MED13L: variants seen among roughly 807,000 people sequenced by gnomAD.
The protein encoded by MED13L is mediator complex subunit 13L.
A neutral mutation model predicts 220.9 loss-of-function variants in MED13L; 7 were observed. The ratio of observed to expected loss-of-function variants is 0.03; its 90% confidence interval spans 0.02 to 0.06. MED13L has a LOEUF of 0.06. Ranked by LOEUF, MED13L falls within the 10% of genes least tolerant of loss-of-function variation. MED13L has a pLI of 1.00. For synonymous variants in MED13L, 1,011 were observed against 1,015.2 expected (o/e 1.00, Z 0.08); for missense variants, 1,965 against 2,760.5 (o/e 0.71, Z 6.46).
rs112491735 is a variant in MED13L at position 116,057,468 on chromosome 12, G to A, written c.480-34867C>T. Among the ~76,000 whole-genome samples, 1,330 of 151,574 alleles carry A rather than the reference G, an allele frequency of 8.8e-3. 15 individuals are homozygous for A. Among genetic ancestry groups the A allele is most frequent in the Middle Eastern group, 0.031 (9 of 294 alleles). On this transcript the variant is annotated intron_variant, in intron 4 of 30. Transcript: ENST00000281928. ...AGTATCCATATGATATCCACAGTTG[G>A]GTACCCTCTGACTGACTGATGGCAG...
intron 2 of MED13L, chr12:116,169,332 A>G (rs1017725579): frequency 6.6e-6 from 1 of 152,328 alleles, no homozygotes; most frequent in Admixed American, 6.5e-5. Flanking sequence ...CTGTGAGGCA[A>G]AAATCAGGTC....
intron 11 of MED13L, chr12:116,006,695 G>T: frequency 2.1e-6 from 1 of 484,140 alleles, no homozygotes; most frequent in Admixed American, 3.5e-5. Context: ...GACCTGCCAT[G>T]GTGTTAAAAG....
At chr12:116,019,110 A>C in intron 7 of MED13L, 114 bp downstream of exon 7, 2 of 1,012,570 alleles carry the variant, frequency 2.0e-6, no homozygotes, top group Non-Finnish European at 2.9e-6. Context: ...ACGTTACTCT[A>C]CTACCTCCAT....
In MED13L at chr12:115,972,171, G is replaced by A. The variant is rs1342461504; in HGVS notation, c.5797C>T (p.Arg1933Trp). 3.7e-6 allele frequency: 6 copies of A among 1,613,834 alleles called. No homozygotes were observed. The highest frequency in any genetic ancestry group is 2.2e-5 in the East Asian group (1 of 44,880). The change falls in exon 26 of 31, where the codon CGG becomes TGG. Residue 1933 changes from arginine to tryptophan, a missense_variant. By Grantham distance (101) the Arg-to-Trp change is moderately radical. Coordinates refer to ENST00000281928, the MANE Select transcript of MED13L (RefSeq NM_015335.5). ...TISKKLKDVC[R>W]MCGISAADSP... ...TCTGCGGCAGAGATTCCACACATCC[G>A]GCACACATCCTTGAGCTTTTTGCTG...
chr12:116,059,210 G>A (rs1384563837), intron 4 of MED13L, among the ~76,000 whole-genome samples: 1 of 152,144 alleles, frequency 6.6e-6, no homozygotes, highest in African/African-American at 2.4e-5. Flanking sequence ...TGGGACTACA[G>A]GCATGTGCCA....
chr12:115,969,309 T>C (rs1383019292), intron 27 of MED13L, among the ~76,000 whole-genome samples: 2 of 152,308 alleles, frequency 1.3e-5, no homozygotes, highest in Non-Finnish European at 2.9e-5. Flanking sequence ...GATCTCCTTA[T>C]GTACAGTATT....
At position 116,012,763 on chromosome 12, in the gene MED13L, G is replaced by C. The variant is rs147331725; in HGVS notation, c.1280+34C>G. 8.9e-5 allele frequency: 126 copies of C among 1,423,462 alleles called. No individual in the cohort carries two copies. The East Asian group carries it at 2.7e-3, about 31-fold the overall frequency. 88.2% of individuals were successfully genotyped at this position (1,423,462 alleles called of 1,614,324 possible). ...GAATCAACAAGATGCGCCATCATTC[G>C]ATCCATTACTATTTTGCCTTTTTTA... On this transcript the variant is annotated intron_variant, in intron 9 of 30. Coordinates refer to ENST00000281928, the MANE Select transcript of MED13L (RefSeq NM_015335.5).
intron 2 of MED13L, among the ~76,000 whole-genome samples, chr12:116,206,256 T>C (rs1163190787): frequency 6.6e-6 from 1 of 151,930 alleles, no homozygotes; most frequent in Non-Finnish European, 1.5e-5. Context: ...AATTTCTGTA[T>C]TTTTAGTAGA....
chr12:115,960,737 C>G lies in MED13L; in HGVS notation c.*529G>C, dbSNP rs532386646. The G allele has an allele frequency of 1.3e-4, 23 of 178,022 alleles. No homozygotes were observed. Among genetic ancestry groups the G allele is most frequent in the African/African-American group, 5.2e-4 (22 of 42,466 alleles). 11.0% of individuals were successfully genotyped at this position (178,022 alleles called of 1,614,324 possible). ...TTTGAAGTCAACCAAAGCACTCATG[C>G]TAATCTGGATGGGAACACTAGGGAG... On this transcript the variant is annotated 3_prime_UTR_variant, in exon 31 of 31. Coordinates refer to ENST00000281928, the MANE Select transcript of MED13L (RefSeq NM_015335.5).
chr12:116,038,863 T>C (rs964091010), intron 4 of MED13L, among the ~76,000 whole-genome samples: 20 of 150,816 alleles, frequency 1.3e-4, no homozygotes, highest in Non-Finnish European at 2.1e-4. Flanking sequence ...GCATTTTCCA[T>C]CCATCCTTAT....
At chr12:115,981,221 T>TAAGA (rs1877306681) in intron 22 of MED13L, among the ~76,000 whole-genome samples, 1 of 152,202 alleles carries the variant, frequency 6.6e-6, no homozygotes, top group Non-Finnish European at 1.5e-5. Context: ...ACTTTAGGGG[T>TAAGA]AAGATCTCAA....
chr12:116,263,525 A>T (rs764285149), intron 1 of MED13L, among the ~76,000 whole-genome samples: 1 of 152,216 alleles, frequency 6.6e-6, no homozygotes, highest in Non-Finnish European at 1.5e-5. Context: ...CTATTGTGCT[A>T]ATCTCCAACT....
At chr12:116,004,160 T>C (rs1031210341) in intron 13 of MED13L, among the ~76,000 whole-genome samples, 3 of 152,170 alleles carry the variant, frequency 2.0e-5, no homozygotes, top group African/African-American at 7.2e-5. Context: ...TCCAAAATGC[T>C]TGCTCTGTTC....
chr12:116,179,476 G>A (rs1271265640), intron 2 of MED13L, among the ~76,000 whole-genome samples: 1 of 152,004 alleles, frequency 6.6e-6, no homozygotes, highest in Non-Finnish European at 1.5e-5. Context: ...CAGGCATGGT[G>A]GTGCACACTT....
At chr12:116,104,027 T>TTTTTTTTTG (rs1873333304) in intron 3 of MED13L, among the ~76,000 whole-genome samples, 1 of 114,420 alleles carries the variant, frequency 8.7e-6, no homozygotes, top group Non-Finnish European at 1.7e-5. Context: ...TTTTTTTTTT[T>TTTTTTTTTG]GAGACGGAGT....
At chr12:116,096,525 T>A in intron 4 of MED13L, 144 bp downstream of exon 4, 1 of 584,948 alleles carries the variant, frequency 1.7e-6, no homozygotes, top group Non-Finnish European at 3.1e-6. Context: ...TTTAATAATA[T>A]AGTATTTAAG....
chr12:116,034,114 C>T (rs1055490152), intron 4 of MED13L, among the ~76,000 whole-genome samples: 16 of 151,984 alleles, frequency 1.1e-4, no homozygotes, highest in Non-Finnish European at 1.8e-4. Context: ...CCTTTAAAGC[C>T]CCAGAATAGA....
intron 4 of MED13L, among the ~76,000 whole-genome samples, chr12:116,077,063 T>C (rs755185684): frequency 1.3e-5 from 2 of 152,200 alleles, no homozygotes; most frequent in African/African-American, 4.8e-5. Flanking sequence ...TTCCCTCCTC[T>C]TGATTCCACC....
intron 13 of MED13L, among the ~76,000 whole-genome samples, chr12:116,005,513 A>C (rs949377345): frequency 1.3e-5 from 2 of 152,286 alleles, no homozygotes; most frequent in African/African-American, 4.8e-5. Context: ...AATCAAACCT[A>C]AGGGACAATG....
Sources: allele counts gnomAD v4.1 joint callset (sites outside exome capture counted in the v4.1 genomes callset), GRCh38; gene constraint gnomAD v4.1.1; transcripts MANE v1.5; gene names NCBI Gene and HGNC (gene_info 2026-07-23, HGNC 2026-07-21).